Variants in EML6 observed in about 807,000 individuals in gnomAD.
EML6 encodes echinoderm microtubule-associated protein-like 6.
EML6 carries 154 observed loss-of-function variants against 240.1 expected under a neutral mutation model. That is an observed-to-expected ratio of 0.64 (90% CI 0.56 to 0.73). The LOEUF is 0.73. EML6 is among the 30% of genes least tolerant of loss of function. The pLI, the probability that EML6 is intolerant of heterozygous loss-of-function variation, is 0.00. For synonymous variants in EML6, 1,148 were observed against 899.0 expected (o/e 1.28, Z -4.95); for missense variants, 2,964 against 2,474.6 (o/e 1.20, Z -4.20).
At chr2:54,824,721 T>C (rs139829601) in intron 5 of EML6, among the ~76,000 whole-genome samples, 1,736 of 152,282 alleles carry the variant, frequency 0.011, 17 homozygotes, top group Middle Eastern at 0.041. Flanking sequence ...CTACCGGGTT[T>C]GTGGATACTG....
chr2:54,857,664 A>G (rs753731473), intron 11 of EML6, among the ~76,000 whole-genome samples: 11 of 152,208 alleles, frequency 7.2e-5, no homozygotes, highest in Non-Finnish European at 1.6e-4. Context: ...AGTTGGTCAA[A>G]GAGGGGCTTG....
At position 54,866,633 on chromosome 2, in the gene EML6, T is replaced by A. The variant is rs1039283821; in HGVS notation, c.1933-133T>A. 82 of 493,696 alleles carry A rather than the reference T, an allele frequency of 1.7e-4. No homozygotes were observed. In the East Asian group the frequency reaches 2.4e-3, roughly 14 times the overall value. The allele number at this position is 493,696 out of a possible 1,614,324, so 30.6% of individuals were successfully genotyped here. A position where few individuals can be genotyped will look rare whatever the true frequency, so the allele number is the denominator to read the frequency against. Reference sequence around the variant, plus strand: ...TTTTATTCATTAGGAAAAAGTAATATTCATTCTCATGTCTTAAGTTTTCAA... The same window carrying A: ...TTTTATTCATTAGGAAAAAGTAATAATCATTCTCATGTCTTAAGTTTTCAA... On this transcript the variant is annotated intron_variant, in intron 13 of 41. Transcript: ENST00000356458.
chr2:54,934,370 G>T (rs1199697444), intron 28 of EML6, among the ~76,000 whole-genome samples: 1 of 151,938 alleles, frequency 6.6e-6, no homozygotes, highest in African/African-American at 2.4e-5. Flanking sequence ...ACTGGCTCAG[G>T]GCTTGGCTGC....
At chr2:54,761,743 C>T (rs7567900) in intron 2 of EML6, among the ~76,000 whole-genome samples, 1 of 151,870 alleles carries the variant, frequency 6.6e-6, no homozygotes, top group East Asian at 1.9e-4. Context: ...ATTTTGGAAT[C>T]ATTTCAAACT....
chr2:54,865,269 ACTTGAGACCAGGAG>A (rs1244376823), intron 13 of EML6, among the ~76,000 whole-genome samples: 2 of 149,712 alleles, frequency 1.3e-5, no homozygotes, highest in African/African-American at 2.4e-5. Flanking sequence ...TGGGAGCATC[ACTTGAGACCAGGAG>A]CTTGAGACCA....
chr2:54,748,408 T>C (rs1441648836), intron 2 of EML6: 1 of 152,206 alleles, frequency 6.6e-6, no homozygotes, highest in African/African-American at 2.4e-5. Flanking sequence ...TTCTTCAGGC[T>C]AAAGGGCCAG....
Position 54,816,647 on chromosome 2 carries a change from G to C in EML6, c.358-140G>C. ...TCATCTATTGTGTTATTTTTAGTTTGGGGTTTAAGATGGGTTTTGAGAAAT... is the reference window on the plus strand; with the variant it reads ...TCATCTATTGTGTTATTTTTAGTTTCGGGTTTAAGATGGGTTTTGAGAAAT... On this transcript the variant is annotated intron_variant, in intron 3 of 41. Transcript: ENST00000356458. The C allele has an allele frequency of 4.8e-6, 3 of 626,616 alleles. No individual in the cohort carries two copies. In the South Asian group the frequency reaches 6.1e-5, roughly 13 times the overall value. 38.8% of individuals were successfully genotyped at this position (626,616 alleles called of 1,614,324 possible).
chr2:54,740,596 T>C (rs941419148), intron 2 of EML6, among the ~76,000 whole-genome samples: 11 of 152,236 alleles, frequency 7.2e-5, no homozygotes, highest in African/African-American at 2.7e-4. Flanking sequence ...CAGGTTTACT[T>C]TTCTTCTTAC....
chr2:54,773,802 G>A (rs1045966758), intron 2 of EML6, among the ~76,000 whole-genome samples: 2 of 152,198 alleles, frequency 1.3e-5, no homozygotes, highest in African/African-American at 4.8e-5. Context: ...TATGAAATTA[G>A]CGCTTCTCCT....
At chr2:54,946,689 C>G (rs1038372087) in intron 28 of EML6, among the ~76,000 whole-genome samples, 1 of 152,104 alleles carries the variant, frequency 6.6e-6, no homozygotes, top group Non-Finnish European at 1.5e-5. Flanking sequence ...GTATTCACAC[C>G]GCTCTGGAGA....
rs1413267133 is a variant in EML6, at chr2:54,928,707, C to T, written c.3960C>T (p.Gly1320=). 2.3e-5 allele frequency: 35 copies of T among 1,551,658 alleles called. No individual in the cohort carries two copies. Among genetic ancestry groups the T allele is most frequent in the Non-Finnish European group, 3.1e-5 (35 of 1,146,986 alleles). ...IYAVSIREME[G]TKPHQQLKEV... ...CTGTGAGCATCAGGGAAATGGAAGG[C>T]ACCAAGCCACACCAGCAGCTGAAGG... is the stretch of plus-strand genomic sequence containing the variant. Residue 1320 remains glycine (G), a synonymous_variant, in exon 28 of 42, where the codon GGC becomes GGT. Transcript: ENST00000356458.
chr2:54,771,960 C>A (rs184804160), intron 2 of EML6, among the ~76,000 whole-genome samples: 1 of 152,322 alleles, frequency 6.6e-6, no homozygotes, highest in East Asian at 1.9e-4. Flanking sequence ...GTAGGCTATA[C>A]AAACTAAACT....
chr2:54,964,570 G>C lies in EML6; in HGVS notation c.5331-1G>C, dbSNP rs1318910072. ...CTCTGCTCTCGGATTGCTTTTTCTA[G>C]AATCAGCCCAGACAACCGATTCTTA... On this transcript the variant is annotated splice_acceptor_variant, in intron 37 of 41. Transcript: ENST00000356458. LOFTEE classifies it high-confidence loss of function. The C allele has an allele frequency of 6.4e-7, 1 of 1,552,202 alleles. No homozygotes were observed. The highest frequency in any genetic ancestry group is 1.4e-5 in the African/African-American group (1 of 73,148).
intron 2 of EML6, among the ~76,000 whole-genome samples, chr2:54,753,998 G>A (rs943673394): frequency 6.6e-6 from 1 of 151,832 alleles, no homozygotes; most frequent in Non-Finnish European, 1.5e-5. Flanking sequence ...AGCCGGGTGT[G>A]GCAGCCTGCA....
rs571524108 is a variant in EML6 at position 54,908,886 on chromosome 2, C to T, written c.3410-2068C>T. Among the ~76,000 whole-genome samples, 122 of 152,248 alleles carry T rather than the reference C, an allele frequency of 8.0e-4. 2 individuals are homozygous for T. Among genetic ancestry groups the T allele is most frequent in the African/African-American group, 2.9e-3 (120 of 41,546 alleles). ...ATCTGCCCGCAGAGTATAAACATGACCGCGGGGGCAGTTCTCGGGGAAGGG... is the reference window on the plus strand; with the variant it reads ...ATCTGCCCGCAGAGTATAAACATGATCGCGGGGGCAGTTCTCGGGGAAGGG... On this transcript the variant is annotated intron_variant, in intron 24 of 41. Coordinates refer to ENST00000356458, the MANE Select transcript of EML6 (RefSeq NM_001039753.4).
intron 2 of EML6, among the ~76,000 whole-genome samples, chr2:54,789,614 C>G (rs1669316709): frequency 1.3e-5 from 2 of 149,970 alleles, no homozygotes; most frequent in Non-Finnish European, 1.5e-5. Context: ...ATGTTGTCTT[C>G]CGTACTTGTA....
chr2:54,764,766 C>G (rs146412459), intron 2 of EML6, among the ~76,000 whole-genome samples: 3 of 152,320 alleles, frequency 2.0e-5, no homozygotes, highest in South Asian at 2.1e-4. Flanking sequence ...AATGGGGCAG[C>G]AAAAGGCCAT....
At chr2:54,894,042 A>T (rs1227264850) in intron 19 of EML6, among the ~76,000 whole-genome samples, 7 of 152,180 alleles carry the variant, frequency 4.6e-5, no homozygotes, top group Admixed American at 2.0e-4. Context: ...ATTGCATTTT[A>T]ATTTAATTTG....
At chr2:54,891,547 C>A (rs969794509) in intron 18 of EML6, among the ~76,000 whole-genome samples, 2 of 151,896 alleles carry the variant, frequency 1.3e-5, no homozygotes, top group Non-Finnish European at 2.9e-5. Flanking sequence ...TGAATTAAAC[C>A]CTGAGTCTGC....
Sources: allele counts gnomAD v4.1 joint callset (sites outside exome capture counted in the v4.1 genomes callset), GRCh38; gene constraint gnomAD v4.1.1; transcripts MANE v1.5; gene names NCBI Gene and HGNC (gene_info 2026-07-23, HGNC 2026-07-21).